PABPC4L: variants seen among roughly 807,000 people sequenced by gnomAD.
PABPC4L encodes polyadenylate-binding protein 4-like.
For synonymous variants in PABPC4L, 169 were observed against 164.1 expected, an observed-to-expected ratio of 1.03 and a Z score of -0.23; for missense variants, 452 against 451.4, an observed-to-expected ratio of 1.00 and a Z score of -0.01.
At chr4:134,013,970 C>T in the PABPC4L span, among the ~76,000 whole-genome samples, 2 of 152,202 alleles carry the variant, frequency 1.3e-5, no homozygotes, top group African/African-American at 4.8e-5. Context: ...CAGCAATTTA[C>T]TCTTAAAAAG....
the PABPC4L span, among the ~76,000 whole-genome samples, chr4:134,175,418 AT>A: frequency 2.8e-3 from 430 of 151,838 alleles, 1 homozygote; most frequent in Non-Finnish European, 3.6e-3. Flanking sequence ...AATTTAATTT[AT>A]TTTTTAAATT....
chr4:134,047,395 C>T, the PABPC4L span, among the ~76,000 whole-genome samples: 5 of 152,148 alleles, frequency 3.3e-5, no homozygotes, highest in South Asian at 4.1e-4. Context: ...ATGATGGAAA[C>T]GGTGAGTGTT....
chr4:134,009,670 T>TA, the PABPC4L span, among the ~76,000 whole-genome samples: 1 of 152,070 alleles, frequency 6.6e-6, no homozygotes, highest in East Asian at 1.9e-4. Flanking sequence ...ACAAAAAACT[T>TA]ACCATCTTTC....
chr4:134,084,241 C>A, the PABPC4L span, among the ~76,000 whole-genome samples: 2 of 151,942 alleles, frequency 1.3e-5, no homozygotes, highest in Non-Finnish European at 2.9e-5. Context: ...GAGAAGAGGT[C>A]TCCCGATGTT....
chr4:133,978,877 A>G, the PABPC4L span: 4 of 152,162 alleles, frequency 2.6e-5, no homozygotes, highest in South Asian at 2.1e-4. Context: ...ATTTCTATCC[A>G]GGAAATTACT....
chr4:134,096,714 G>A, the PABPC4L span, among the ~76,000 whole-genome samples: 1 of 151,854 alleles, frequency 6.6e-6, no homozygotes, highest in African/African-American at 2.4e-5. Context: ...CTAGCCTCAG[G>A]AAAACAGAGT....
At chr4:134,156,997 T>A in the PABPC4L span, among the ~76,000 whole-genome samples, 1 of 151,914 alleles carries the variant, frequency 6.6e-6, no homozygotes, top group African/African-American at 2.4e-5. Flanking sequence ...AAAATAACTT[T>A]AAAAATGATA....
At chr4:134,023,147 T>G in the PABPC4L span, among the ~76,000 whole-genome samples, 3 of 152,056 alleles carry the variant, frequency 2.0e-5, no homozygotes, top group Non-Finnish European at 4.4e-5. Flanking sequence ...GACAGAGCCC[T>G]TATTGCCCAC....
At chr4:134,168,625 A>C in the PABPC4L span, among the ~76,000 whole-genome samples, 1 of 151,992 alleles carries the variant, frequency 6.6e-6, no homozygotes, top group Non-Finnish European at 1.5e-5. Flanking sequence ...GGATCATTAA[A>C]AACTATTATG....
the PABPC4L span, among the ~76,000 whole-genome samples, chr4:133,977,393 T>C: frequency 1.3e-5 from 2 of 152,268 alleles, no homozygotes; most frequent in East Asian, 1.9e-4. Context: ...CTTGGCTATA[T>C]GAGCTTTTTT....
chr4:134,173,697 A>C, the PABPC4L span, among the ~76,000 whole-genome samples: 1 of 152,076 alleles, frequency 6.6e-6, no homozygotes, highest in Admixed American at 6.6e-5. Context: ...CAAAAAAACT[A>C]AAAGAGTGAA....
the PABPC4L span, among the ~76,000 whole-genome samples, chr4:134,050,706 C>CAAAAAAAAAAAAAAAAAAAAAAAAAAAA: frequency 3.6e-5 from 3 of 83,018 alleles, no homozygotes; most frequent in Admixed American, 1.5e-4. Context: ...CACCGTCTCC[C>CAAAAAAAAAAAAAAAAAAAAAAAAAAAA]AAAAAAAAAA....
chr4:134,029,990 T>G, the PABPC4L span, among the ~76,000 whole-genome samples: 1 of 152,026 alleles, frequency 6.6e-6, no homozygotes, highest in East Asian at 1.9e-4. Context: ...TTGGCTCAAC[T>G]CTTTCCCTTG....
chr4:134,094,710 A>C, the PABPC4L span, among the ~76,000 whole-genome samples: 1 of 151,902 alleles, frequency 6.6e-6, no homozygotes, highest in East Asian at 1.9e-4. Flanking sequence ...CAAATAAATT[A>C]TAATTAACAA....
the PABPC4L span, among the ~76,000 whole-genome samples, chr4:133,973,289 A>G: frequency 2.6e-5 from 4 of 152,078 alleles, no homozygotes; most frequent in Non-Finnish European, 5.9e-5. Context: ...TGTCAAGTAT[A>G]TATCATAATG....
chr4:134,031,711 G>T, the PABPC4L span, among the ~76,000 whole-genome samples: 1 of 151,906 alleles, frequency 6.6e-6, no homozygotes, highest in Non-Finnish European at 1.5e-5. Context: ...AGACTCTAAA[G>T]CTGGTAGCAT....
At chr4:133,974,334 A>G in the PABPC4L span, among the ~76,000 whole-genome samples, 1 of 152,108 alleles carries the variant, frequency 6.6e-6, no homozygotes, top group Non-Finnish European at 1.5e-5. Flanking sequence ...CCTACCTCAC[A>G]CTGTACACAA....
At chr4:134,059,248 C>T in the PABPC4L span, among the ~76,000 whole-genome samples, 3 of 151,666 alleles carry the variant, frequency 2.0e-5, no homozygotes, top group Non-Finnish European at 2.9e-5. Context: ...CATCTATCCT[C>T]ATCCATGTAC....
the PABPC4L span, among the ~76,000 whole-genome samples, chr4:134,182,878 G>A: frequency 2.0e-5 from 3 of 151,926 alleles, no homozygotes; most frequent in Non-Finnish European, 2.9e-5. Flanking sequence ...CTAATCTTTA[G>A]GGAAATTCAA....
Sources: gnomAD v4.1 joint callset for allele counts (sites outside exome capture counted in the v4.1 genomes callset) on GRCh38, gnomAD v4.1.1 for gene constraint, MANE v1.5 for transcripts, NCBI Gene and HGNC (gene_info 2026-07-23, HGNC 2026-07-21) for gene names.